SERPINE2: variants seen among roughly 807,000 people sequenced by gnomAD.
SERPINE2 encodes the protein glia-derived nexin.
A neutral mutation model predicts 36.3 loss-of-function variants in SERPINE2; 14 were observed. The observed-to-expected ratio is 0.39, with a 90% CI of 0.25 to 0.60. SERPINE2 has a LOEUF of 0.60. Ranked by LOEUF, SERPINE2 falls within the 20% of genes least tolerant of loss-of-function variation. The pLI is 0.57. For synonymous variants in SERPINE2, 192 were observed against 191.8 expected, an observed-to-expected ratio of 1.00 and a Z score of -0.01; for missense variants, 418 against 499.6, an observed-to-expected ratio of 0.84 and a Z score of 1.56.
rs1458305028 is a variant in SERPINE2, at chr2:223,975,333, A to G, written c.*534T>C. Reference sequence around the variant, plus strand: ...TGCATTATATAAAACAACAACAACAACAACAACAAAAACACAAAGAGGCTA... The same window carrying G: ...TGCATTATATAAAACAACAACAACAGCAACAACAAAAACACAAAGAGGCTA... On this transcript the variant is annotated 3_prime_UTR_variant, in exon 9 of 9. Coordinates refer to ENST00000409304, the MANE Select transcript of SERPINE2 (RefSeq NM_001136528.2). The G allele has an allele frequency of 1.3e-5, 2 of 152,674 alleles. No individual in the cohort carries two copies. The highest frequency in any genetic ancestry group is 2.9e-5 in the Non-Finnish European group (2 of 68,072). 9.5% of individuals were successfully genotyped at this position (152,674 alleles called of 1,614,324 possible). A position where few individuals can be genotyped will look rare whatever the true frequency, so the allele number is the denominator to read the frequency against.
At chr2:224,035,411 C>A (rs933568184) in intron 1 of SERPINE2, among the ~76,000 whole-genome samples, 16 of 67,694 alleles carry the variant, frequency 2.4e-4, no homozygotes, top group African/African-American at 6.2e-4. Context: ...GAGACAGAGT[C>A]TCACTCTTTC....
intron 3 of SERPINE2, among the ~76,000 whole-genome samples, chr2:223,996,178 A>G (rs1690881892): frequency 6.6e-6 from 1 of 152,032 alleles, no homozygotes; most frequent in African/African-American, 2.4e-5. Flanking sequence ...TGGTCTAACT[A>G]ATGTGGTTTA....
At chr2:224,033,438 C>T (rs6436462) in intron 1 of SERPINE2, among the ~76,000 whole-genome samples, 94,639 of 151,938 alleles carry the variant, frequency 0.62, 29,870 homozygotes, top group South Asian at 0.71. Flanking sequence ...AGACTTAACA[C>T]TTATGAGAAA....
At chr2:223,992,411 G>A (rs865897089) in intron 3 of SERPINE2, among the ~76,000 whole-genome samples, 9 of 152,142 alleles carry the variant, frequency 5.9e-5, no homozygotes, top group South Asian at 4.2e-4. Flanking sequence ...GTCAGTACAA[G>A]ATAAACAATT....
At chr2:223,989,660 CAG>C (rs755373135) in intron 4 of SERPINE2, among the ~76,000 whole-genome samples, 4 of 152,180 alleles carry the variant, frequency 2.6e-5, no homozygotes, top group Admixed American at 1.3e-4. Flanking sequence ...TGGCCCAGAA[CAG>C]AGTCGCATCC....
intron 1 of SERPINE2, among the ~76,000 whole-genome samples, chr2:224,020,022 G>C (rs1322279561): frequency 1.3e-5 from 2 of 152,186 alleles, no homozygotes; most frequent in African/African-American, 4.8e-5. Context: ...CACTATTACA[G>C]AGAAAGTGGT....
chr2:223,993,601 T>C lies in SERPINE2; in HGVS notation c.488-1601A>G, dbSNP rs1183608192. 2.0e-5 allele frequency among the ~76,000 whole-genome samples: 3 copies of C among 152,052 alleles called. No individual in the cohort carries two copies. The East Asian group carries it at 5.8e-4, about 29-fold the overall frequency. ...AAATACATAATATAAATACAAGTTA[T>C]ACTACTTTAAATGGTGAGAGTAAAA... On this transcript the variant is annotated intron_variant, in intron 3 of 8. Transcript: ENST00000409304.
intron 1 of SERPINE2, among the ~76,000 whole-genome samples, chr2:224,024,946 T>C (rs1362226405): frequency 6.6e-6 from 1 of 152,148 alleles, no homozygotes; most frequent in East Asian, 1.9e-4. Context: ...GGAGAACATC[T>C]CCCCAGTTAC....
chr2:224,003,438 T>A (rs1309980262), intron 1 of SERPINE2, among the ~76,000 whole-genome samples: 21 of 152,220 alleles, frequency 1.4e-4, no homozygotes, highest in Admixed American at 1.3e-3. Flanking sequence ...TCTTTTACCA[T>A]AAGCACACTG....
At chr2:224,030,516 C>CT (rs1692328401) in intron 1 of SERPINE2, 1 of 152,428 alleles carries the variant, frequency 6.6e-6, no homozygotes, top group African/African-American at 2.4e-5. Context: ...GCCCTTAAGC[C>CT]TAAACACCTT....
At chr2:223,998,708 C>G (rs1338255491) in intron 2 of SERPINE2, among the ~76,000 whole-genome samples, 2 of 152,106 alleles carry the variant, frequency 1.3e-5, no homozygotes, top group African/African-American at 4.8e-5. Context: ...AAGCAAGACC[C>G]TGTCTCAAAA....
chr2:224,036,491 G>A (rs1006546885), intron 1 of SERPINE2, among the ~76,000 whole-genome samples: 2 of 151,748 alleles, frequency 1.3e-5, no homozygotes, highest in African/African-American at 4.8e-5. Context: ...TGGGGGGCGG[G>A]GAGTGAGGTA....
intron 1 of SERPINE2, among the ~76,000 whole-genome samples, chr2:224,011,281 G>C (rs1691616094): frequency 6.6e-6 from 1 of 152,100 alleles, no homozygotes; most frequent in Admixed American, 6.6e-5. Flanking sequence ...TAAAAACAAG[G>C]AAGTACCTTT....
intron 1 of SERPINE2, among the ~76,000 whole-genome samples, chr2:224,025,981 C>CT (rs1439873558): frequency 6.6e-6 from 1 of 152,214 alleles, no homozygotes; most frequent in African/African-American, 2.4e-5. Flanking sequence ...ATTTCCTAGC[C>CT]TTCAAGGTAG....
At chr2:224,009,028 T>TGGGCTG (rs940824538) in intron 1 of SERPINE2, among the ~76,000 whole-genome samples, 2 of 152,190 alleles carry the variant, frequency 1.3e-5, no homozygotes, top group African/African-American at 4.8e-5. Flanking sequence ...CATTAAAAGC[T>TGGGCTG]GGGCTGGGAG....
At chr2:223,982,990 T>A (rs975278) in intron 5 of SERPINE2, among the ~76,000 whole-genome samples, 24 of 152,104 alleles carry the variant, frequency 1.6e-4, no homozygotes, top group Admixed American at 6.5e-4. Flanking sequence ...ATGAGTCATA[T>A]GTACTAACGG....
chr2:224,023,470 G>C (rs1692080724), intron 1 of SERPINE2, among the ~76,000 whole-genome samples: 8 of 152,192 alleles, frequency 5.3e-5, no homozygotes, highest in Admixed American at 5.2e-4. Flanking sequence ...CAGAGCAATA[G>C]AGGGAAGCCA....
chr2:223,983,736 ATGTG>A (rs71058971), intron 5 of SERPINE2, among the ~76,000 whole-genome samples: 2,697 of 82,698 alleles, frequency 0.033, 76 homozygotes, highest in African/African-American at 0.077. Context: ...ATGTGTGTAT[ATGTG>A]TGTGTGTGTG....
intron 3 of SERPINE2, among the ~76,000 whole-genome samples, chr2:223,997,575 G>C (rs1690939768): frequency 6.6e-6 from 1 of 152,340 alleles, no homozygotes; most frequent in Middle Eastern, 3.4e-3. Flanking sequence ...AATGGGAGAA[G>C]AGACACTTAC....
Sources: allele counts gnomAD v4.1 joint callset (sites outside exome capture counted in the v4.1 genomes callset), GRCh38; gene constraint gnomAD v4.1.1; transcripts MANE v1.5; gene names NCBI Gene and HGNC (gene_info 2026-07-23, HGNC 2026-07-21).